DMD: variants seen among roughly 807,000 people sequenced by gnomAD.
DMD encodes the protein dystrophin, also known as mutant dystrophin.
DMD carries 63 observed loss-of-function variants against 330.1 expected under a neutral mutation model. That is an observed-to-expected ratio of 0.19 (90% CI 0.16 to 0.24). DMD has a LOEUF of 0.24. Ranked by LOEUF, DMD falls within the 10% of genes least tolerant of loss-of-function variation. The probability of loss-of-function intolerance (pLI) is 1.00; values close to 1 mark genes in which losing one functional copy is unlikely to be tolerated. For missense variants in DMD, 3,344 were observed against 2,684.1 expected (o/e 1.25, Z -5.43); for synonymous variants, 1,223 against 959.8 (o/e 1.27, Z -5.07).
At chrX:32,860,372 G>C (rs906075191) in intron 2 of DMD, among the ~76,000 whole-genome samples, 1 of 111,879 alleles carries the variant, frequency 8.9e-6, no homozygotes, top group African/African-American at 3.2e-5. Context: ...ATTACAAAAA[G>C]GACAAGCCAT....
At chrX:32,685,360 T>A (rs2062778812) in intron 9 of DMD, among the ~76,000 whole-genome samples, 1 of 111,877 alleles carries the variant, frequency 8.9e-6, no homozygotes, top group Admixed American at 9.5e-5. Context: ...GAGGACTACA[T>A]ATCTTAGGAA....
intron 1 of DMD, among the ~76,000 whole-genome samples, chrX:33,052,750 A>G (rs2094472188): frequency 8.9e-6 from 1 of 112,033 alleles, no homozygotes; most frequent in African/African-American, 3.2e-5. Flanking sequence ...AATCAATAGT[A>G]AATACTATAG....
rs1018999989 is a variant in DMD, at chrX:33,221,748, T to A, written c.7+117511A>T. Among the ~76,000 whole-genome samples the A allele has an allele frequency of 4.5e-5, 5 of 110,993 alleles. No homozygotes were observed. The Admixed American group carries it at 4.8e-4, about 11-fold the overall frequency. ...ACAGTAAGGGTTTACTATGAACAAT[T>A]CTTCACATAAGTATTTAATAATTTA... On this transcript the variant is annotated intron_variant, in intron 1 of 17. Coordinates refer to the DMD transcript ENST00000288447.
At chrX:31,317,120 A>G (rs1291305936) in intron 62 of DMD, among the ~76,000 whole-genome samples, 1 of 112,007 alleles carries the variant, frequency 8.9e-6, no homozygotes, top group Non-Finnish European at 1.9e-5. Context: ...AGAAAATGTT[A>G]GTACTGGAAA....
chrX:32,237,210 T>C (rs1364067271), intron 43 of DMD, among the ~76,000 whole-genome samples: 2 of 111,827 alleles, frequency 1.8e-5, no homozygotes, highest in African/African-American at 6.5e-5. Flanking sequence ...CAATTTACCA[T>C]TTTTATGTTT....
chrX:33,117,193 G>T (rs866078549), intron 1 of DMD, among the ~76,000 whole-genome samples: 1 of 111,401 alleles, frequency 9.0e-6, no homozygotes, highest in Admixed American at 9.7e-5. Context: ...AAGTGGAACA[G>T]TGGTAGCCAG....
chrX:31,647,540 T>C (rs1186404226), intron 54 of DMD, among the ~76,000 whole-genome samples: 1 of 112,235 alleles, frequency 8.9e-6, no homozygotes, highest in Non-Finnish European at 1.9e-5. Flanking sequence ...CTGTATTTGG[T>C]CATTTCATGG....
At chrX:33,016,912 A>T (rs1180892212) in intron 2 of DMD, among the ~76,000 whole-genome samples, 1 of 112,158 alleles carries the variant, frequency 8.9e-6, no homozygotes, top group Non-Finnish European at 1.9e-5. Flanking sequence ...TTTGTCATAG[A>T]GTATACACGA....
intron 4 of DMD, among the ~76,000 whole-genome samples, chrX:32,832,828 C>A (rs1016298203): frequency 9.9e-5 from 11 of 111,183 alleles, no homozygotes; most frequent in Non-Finnish European, 3.8e-5. Flanking sequence ...ATATATACAA[C>A]CTAAACGGTG....
At chrX:33,218,919 C>T (rs1232912548) in intron 1 of DMD, among the ~76,000 whole-genome samples, 1 of 111,175 alleles carries the variant, frequency 9.0e-6, no homozygotes, top group African/African-American at 3.3e-5. Flanking sequence ...TTTTTGATTA[C>T]GATATTTTTA....
chrX:31,810,167 T>C (rs769433533), intron 50 of DMD, among the ~76,000 whole-genome samples: 5 of 111,489 alleles, frequency 4.5e-5, no homozygotes, highest in Non-Finnish European at 9.4e-5. Context: ...ATAGACTTTA[T>C]GATGTGACAG....
chrX:32,389,126 T>C (rs1395876729), intron 32 of DMD, among the ~76,000 whole-genome samples: 1 of 111,942 alleles, frequency 8.9e-6, no homozygotes, highest in African/African-American at 3.2e-5. Context: ...AGGTGACTTC[T>C]GTATGTCACG....
intron 9 of DMD, among the ~76,000 whole-genome samples, chrX:32,689,755 T>C (rs1210044557): frequency 9.0e-6 from 1 of 111,082 alleles, no homozygotes; most frequent in Non-Finnish European, 1.9e-5. Flanking sequence ...TGAAAATCAA[T>C]TAGTATGATA....
Position 32,748,603 on chromosome X carries a change from G to A in DMD, c.650-49310C>T, listed in dbSNP as rs1309878547. Among the ~76,000 whole-genome samples the A allele has an allele frequency of 3.6e-5, 4 of 111,542 alleles. No individual in the cohort carries two copies. In the East Asian group the frequency reaches 8.5e-4, roughly 24 times the overall value. On this transcript the variant is annotated intron_variant, in intron 7 of 78. Coordinates refer to ENST00000357033, the MANE Select transcript of DMD (RefSeq NM_004006.3). Reference sequence around the variant, plus strand: ...CCCATGCATTACATGTATTATTAAAGGGAAATTAAGAATGATATCTCAAAC... The same window carrying A: ...CCCATGCATTACATGTATTATTAAAAGGAAATTAAGAATGATATCTCAAAC...
At chrX:31,807,360 TGG>T (rs2092322855) in intron 50 of DMD, among the ~76,000 whole-genome samples, 1 of 111,629 alleles carries the variant, frequency 9.0e-6, no homozygotes, top group Non-Finnish European at 1.9e-5. Flanking sequence ...TGCTGGACTA[TGG>T]TACCCTATAG....
At chrX:32,876,288 G>A (rs1315868886) in intron 2 of DMD, among the ~76,000 whole-genome samples, 1 of 111,780 alleles carries the variant, frequency 8.9e-6, no homozygotes, top group Admixed American at 9.5e-5. Context: ...GATACAAAAT[G>A]TCAGTTATAA....
At chrX:32,922,995 A>C (rs2088591144) in intron 2 of DMD, among the ~76,000 whole-genome samples, 1 of 111,990 alleles carries the variant, frequency 8.9e-6, no homozygotes, top group African/African-American at 3.2e-5. Context: ...ATAAATACCA[A>C]ATATGAATTG....
intron 44 of DMD, among the ~76,000 whole-genome samples, chrX:32,104,226 C>T (rs918743901): frequency 5.4e-5 from 6 of 111,842 alleles, no homozygotes; most frequent in African/African-American, 1.6e-4. Context: ...TGATGTATTT[C>T]GGGAGGTAAT....
chrX:31,473,802 G>T (rs752260762), intron 59 of DMD, among the ~76,000 whole-genome samples: 6 of 110,885 alleles, frequency 5.4e-5, no homozygotes, highest in African/African-American at 2.0e-4. Context: ...CAGACTACAG[G>T]TTTAAAAGTT....
Sources: gnomAD v4.1 joint callset for allele counts (sites outside exome capture counted in the v4.1 genomes callset) on GRCh38, gnomAD v4.1.1 for gene constraint, MANE v1.5 for transcripts, NCBI Gene and HGNC (gene_info 2026-07-23, HGNC 2026-07-21) for gene names.